Variants in SYT17 observed in about 807,000 individuals in gnomAD.
SYT17 encodes the protein synaptotagmin 17.
In SYT17, 22 loss-of-function variants were observed where a neutral mutation model predicts 46.7. The ratio of observed to expected loss-of-function variants is 0.47; its 90% CI spans 0.34 to 0.67. The LOEUF (loss-of-function observed/expected upper bound fraction) is 0.67, where lower values mean the gene tolerates loss of function less well. SYT17 is among the 30% of genes least tolerant of loss of function. SYT17 has a pLI of 0.01. For missense variants in SYT17, 519 were observed against 612.8 expected (o/e 0.85, Z 1.62); for synonymous variants, 251 against 248.4 (o/e 1.01, Z -0.10).
chr16:19,189,644 C>G (rs1046730810), intron 5 of SYT17, among the ~76,000 whole-genome samples: 4 of 152,242 alleles, frequency 2.6e-5, no homozygotes, highest in African/African-American at 9.6e-5. Context: ...GCCAGAATAG[C>G]TGCCCTGATT....
chr16:19,170,373 G>C (rs976933951), intron 1 of SYT17: 8 of 152,140 alleles, frequency 5.3e-5, no homozygotes, highest in Middle Eastern at 3.4e-3. Flanking sequence ...AGCAAAACAG[G>C]CTGCGGGGCT....
intron 3 of SYT17, 105 bp from the exon 4 acceptor site, chr16:19,180,286 A>G: frequency 8.0e-7 from 1 of 1,253,776 alleles, no homozygotes; most frequent in East Asian, 2.3e-5. Flanking sequence ...GTTGCATAAA[A>G]TGAGTCTGAG....
intron 5 of SYT17, among the ~76,000 whole-genome samples, chr16:19,188,513 C>CAAAAAAA (rs61202540): frequency 5.1e-3 from 326 of 64,490 alleles, no homozygotes; most frequent in African/African-American, 0.012. Context: ...TTCAGTTCTG[C>CAAAAAAA]AAAAAAAAAA....
At chr16:19,189,680 C>A (rs749135250) in intron 5 of SYT17, among the ~76,000 whole-genome samples, 2 of 152,214 alleles carry the variant, frequency 1.3e-5, no homozygotes, top group Non-Finnish European at 2.9e-5. Flanking sequence ...AAGCTAACAT[C>A]TGCCTTCACC....
At chr16:19,265,349 C>T (rs1324986142) in intron 7 of SYT17, among the ~76,000 whole-genome samples, 2 of 152,220 alleles carry the variant, frequency 1.3e-5, no homozygotes, top group South Asian at 4.1e-4. Context: ...CAATTTTTCT[C>T]CACAGAGCTG....
At chr16:19,259,189 A>G (rs1428487505) in intron 7 of SYT17, among the ~76,000 whole-genome samples, 2 of 152,204 alleles carry the variant, frequency 1.3e-5, no homozygotes, top group Admixed American at 6.5e-5. Context: ...AAGAGAAAAC[A>G]TTAGAGCAAG....
chr16:19,175,556 T>C (rs1239274020), intron 3 of SYT17, among the ~76,000 whole-genome samples: 1 of 146,474 alleles, frequency 6.8e-6, no homozygotes, highest in East Asian at 2.0e-4. Flanking sequence ...GAGGCTGAGT[T>C]GGAAGGATCG....
Position 19,168,685 on chromosome 16 carries a change from G to A in SYT17, c.15+24G>A. 1 of 1,498,062 alleles carries A rather than the reference G, an allele frequency of 6.7e-7. No homozygotes were observed. Among genetic ancestry groups the A allele is most frequent in the Non-Finnish European group, 8.9e-7 (1 of 1,120,116 alleles). 92.8% of individuals were successfully genotyped at this position (1,498,062 alleles called of 1,614,324 possible). On this transcript the variant is annotated intron_variant, in intron 1 of 7. Transcript: ENST00000355377. The surrounding 1 kb of genome is among the most constrained non-coding windows in gnomAD (Gnocchi z 6.9). ...AGGTAGGGCTGAGGCTGGGGGCAAG[G>A]TCCGGGGTGCGGGTAGGGGGTGCCG... is the stretch of plus-strand genomic sequence containing the variant.
At chr16:19,238,264 G>C (rs8061919) in intron 7 of SYT17, among the ~76,000 whole-genome samples, 103,521 of 152,092 alleles carry the variant, frequency 0.68, 35,905 homozygotes, top group East Asian at 0.99. Context: ...TCAGTTCCCA[G>C]CTCACAGGCT....
chr16:19,209,876 TCAAAA>T (rs754061184), intron 5 of SYT17, among the ~76,000 whole-genome samples: 2 of 90,822 alleles, frequency 2.2e-5, no homozygotes, highest in Admixed American at 9.4e-5. Flanking sequence ...AGACTCTGTC[TCAAAA>T]CAAAACAAAA....
chr16:19,211,316 ACCCCTCTCGG>A (rs1965891322), intron 5 of SYT17: 1 of 672,964 alleles, frequency 1.5e-6, no homozygotes, highest in South Asian at 1.6e-5. Context: ...CGTGCTGACA[ACCCCTCTCGG>A]CCCGTGGTGT....
At chr16:19,178,258 ATTT>A (rs377447782) in intron 3 of SYT17, among the ~76,000 whole-genome samples, 5 of 147,284 alleles carry the variant, frequency 3.4e-5, no homozygotes, top group Non-Finnish European at 7.5e-5. Context: ...AATTTTTTGT[ATTT>A]TTTTTAGTAG....
intron 7 of SYT17, among the ~76,000 whole-genome samples, chr16:19,250,345 T>C (rs1967954994): frequency 7.0e-6 from 1 of 142,668 alleles, no homozygotes; most frequent in Admixed American, 7.1e-5. Context: ...TTCAAAAAGA[T>C]GTCTCAAACA....
chr16:19,223,528 AAATTTTTATG>A (rs1286458063), intron 6 of SYT17, among the ~76,000 whole-genome samples: 4 of 152,222 alleles, frequency 2.6e-5, no homozygotes, highest in African/African-American at 9.6e-5. Context: ...TGTGTGCCAT[AAATTTTTATG>A]AATTCCAACT....
rs749518133 is a variant in SYT17 at position 19,224,706 on chromosome 16, G to A, written c.1096G>A (p.Val366Met). The A allele has an allele frequency of 3.1e-6, 5 of 1,614,050 alleles. No individual in the cohort carries two copies. Among genetic ancestry groups the A allele is most frequent in the Non-Finnish European group, 4.2e-6 (5 of 1,179,952 alleles). Residue 366 changes from valine to methionine, a missense_variant, in exon 7 of 8, where the codon GTG becomes ATG. By Grantham distance (21) the Val-to-Met change is conservative. Transcript: ENST00000355377. ...AGACCCCTTTGTGAAAATCCAGCTG[G>A]TGCATGGACTCAAACTTGTGAAAAC... ...GSDPFVKIQL[V>M]HGLKLVKTKK...
Position 19,224,142 on chromosome 16 carries a change from A to G in SYT17, c.1073-541A>G, listed in dbSNP as rs756050469. 1.2e-3 allele frequency among the ~76,000 whole-genome samples: 190 copies of G among 152,314 alleles called. 1 individual carries two copies. The highest frequency in any genetic ancestry group is 0.01 in the Middle Eastern group (3 of 294). On this transcript the variant is annotated intron_variant, in intron 6 of 7. Coordinates refer to ENST00000355377, the MANE Select transcript of SYT17 (RefSeq NM_016524.4). ...TTCTGCCATCTCTATTCACCTGTAT[A>G]TGGGCTATGGGCTCACTGAAATGAT...
intron 5 of SYT17, chr16:19,211,186 C>G (rs529275725): frequency 6.6e-6 from 3 of 452,942 alleles, no homozygotes; most frequent in African/African-American, 6.0e-5. Flanking sequence ...GGAAATGAGG[C>G]CTGTTTATTT....
chr16:19,180,225 A>G (rs1964491261), intron 3 of SYT17, 166 bp from the exon 4 acceptor site: 2 of 632,254 alleles, frequency 3.2e-6, no homozygotes, highest in African/African-American at 1.8e-5. Flanking sequence ...AAAAAGCAAG[A>G]CGTTGTTGAG....
chr16:19,256,652 C>T (rs1968595808), intron 7 of SYT17, among the ~76,000 whole-genome samples: 1 of 151,946 alleles, frequency 6.6e-6, no homozygotes. Flanking sequence ...GATCATGCCT[C>T]ACTGCAATCT....
Sources: allele counts gnomAD v4.1 joint callset (sites outside exome capture counted in the v4.1 genomes callset), GRCh38; gene constraint gnomAD v4.1.1; non-coding constraint Gnocchi (gnomAD v3.1); transcripts MANE v1.5; gene names NCBI Gene and HGNC (gene_info 2026-07-23, HGNC 2026-07-21).